MGAT4C: variants seen among roughly 807,000 people sequenced by gnomAD.
MGAT4C encodes MGAT4 family member C.
A neutral mutation model predicts 40.1 loss-of-function variants in MGAT4C; 19 were observed. That is an observed-to-expected ratio of 0.47 (90% confidence interval 0.33 to 0.70). MGAT4C has a LOEUF of 0.70. Among genes scored for constraint, MGAT4C ranks in the 30% least tolerant of loss-of-function variants. MGAT4C has a pLI of 0.02. For synonymous variants in MGAT4C, 181 were observed against 187.1 expected (o/e 0.97, Z 0.27); for missense variants, 491 against 563.2 (o/e 0.87, Z 1.30).
At chr12:86,097,810 C>T (rs1034031398) in intron 1 of MGAT4C, among the ~76,000 whole-genome samples, 10 of 151,524 alleles carry the variant, frequency 6.6e-5, no homozygotes, top group African/African-American at 2.2e-4. Flanking sequence ...GCCCCACGTA[C>T]CTATTAAGTA....
intron 1 of MGAT4C, among the ~76,000 whole-genome samples, chr12:86,095,482 T>C (rs1030161924): frequency 3.3e-5 from 5 of 152,026 alleles, no homozygotes; most frequent in African/African-American, 1.2e-4. Flanking sequence ...TTTGAACATA[T>C]TTCCTTTTAT....
At chr12:86,811,226 C>T (rs1399539324) in intron 1 of MGAT4C, among the ~76,000 whole-genome samples, 3 of 150,724 alleles carry the variant, frequency 2.0e-5, no homozygotes, top group Non-Finnish European at 3.0e-5. Context: ...TTAATAATTT[C>T]ATTTTTAAAT....
chr12:86,729,101 A>G (rs1449613030), intron 1 of MGAT4C, among the ~76,000 whole-genome samples: 1 of 152,210 alleles, frequency 6.6e-6, no homozygotes, highest in African/African-American at 2.4e-5. Flanking sequence ...TGGTAAGGAG[A>G]ATTGATGTTC....
At chr12:86,781,011 ATTGTGTGTGT>A (rs1565985846) in intron 1 of MGAT4C, among the ~76,000 whole-genome samples, 1 of 149,274 alleles carries the variant, frequency 6.7e-6, no homozygotes, top group Admixed American at 6.6e-5. Context: ...ATGGCTGAGT[ATTGTGTGTGT>A]GTGTGTGTGT....
At chr12:86,087,988 T>C (rs762017902) in intron 1 of MGAT4C, among the ~76,000 whole-genome samples, 1 of 151,878 alleles carries the variant, frequency 6.6e-6, no homozygotes, top group African/African-American at 2.4e-5. Flanking sequence ...AACTGTATTA[T>C]AAGCGTACAG....
rs80299128 is a variant in MGAT4C at position 86,125,564 on chromosome 12, A to G, written c.-56-75841T>C. 0.023 allele frequency among the ~76,000 whole-genome samples: 3,522 copies of G among 152,280 alleles called. 269 individuals carry two copies. The East Asian group carries it at 0.28, about 12-fold the overall frequency. ...AAAATAAACAACAAATAAGAATGGC[A>G]AACAGTAAAACTACTAGACATATGA... On this transcript the variant is annotated intron_variant, in intron 1 of 4. Transcript: ENST00000611864.
chr12:86,605,997 T>A (rs963705898), intron 2 of MGAT4C, among the ~76,000 whole-genome samples: 13 of 152,118 alleles, frequency 8.5e-5, no homozygotes, highest in Admixed American at 3.3e-4. Flanking sequence ...CTTACCATTA[T>A]GTCAGAAGGC....
intron 1 of MGAT4C, among the ~76,000 whole-genome samples, chr12:86,087,422 T>C (rs1408811798): frequency 2.6e-5 from 4 of 152,148 alleles, no homozygotes; most frequent in Admixed American, 2.0e-4. Flanking sequence ...TTAACTTATT[T>C]TACAATTCCA....
At chr12:86,257,625 C>CAT (rs1952559871), upstream of MGAT4C, among the ~76,000 whole-genome samples, 1 of 152,188 alleles carries the variant, frequency 6.6e-6, no homozygotes, top group Admixed American at 6.5e-5. Flanking sequence ...TGTTACATTC[C>CAT]CTCTGCATTT....
chr12:86,604,769 A>G (rs896792059), intron 2 of MGAT4C, among the ~76,000 whole-genome samples: 6 of 152,184 alleles, frequency 3.9e-5, no homozygotes, highest in Non-Finnish European at 8.8e-5. Context: ...CTGAAGAACA[A>G]AAGAAACACA....
At chr12:86,496,115 C>A (rs1958230024) in intron 2 of MGAT4C, among the ~76,000 whole-genome samples, 1 of 151,962 alleles carries the variant, frequency 6.6e-6, no homozygotes, top group Non-Finnish European at 1.5e-5. Context: ...TCTTTCTATG[C>A]TGTCAGCAGC....
intron 1 of MGAT4C, among the ~76,000 whole-genome samples, chr12:86,750,704 C>T (rs1951220650): frequency 1.3e-5 from 2 of 151,846 alleles, no homozygotes; most frequent in Admixed American, 1.3e-4. Flanking sequence ...GTAACTTGAC[C>T]TCAATTCTCT....
intron 2 of MGAT4C, among the ~76,000 whole-genome samples, chr12:86,670,619 G>T (rs1964231238): frequency 6.6e-6 from 1 of 152,112 alleles, no homozygotes; most frequent in South Asian, 2.1e-4. Flanking sequence ...GCATTCATGA[G>T]AGAGAACCTA....
At chr12:86,783,631 A>G (rs1364067408) in intron 1 of MGAT4C, among the ~76,000 whole-genome samples, 1 of 152,142 alleles carries the variant, frequency 6.6e-6, no homozygotes, top group Non-Finnish European at 1.5e-5. Context: ...TGAAGACTAA[A>G]TGCACTTTCT....
At chr12:86,263,609 T>C (rs887926648) in intron 4 of MGAT4C, among the ~76,000 whole-genome samples, 1 of 152,226 alleles carries the variant, frequency 6.6e-6, no homozygotes, top group African/African-American at 2.4e-5. Context: ...ATGTCTTTGC[T>C]ACTATAAATA....
chr12:86,294,233 T>C (rs1413811538), intron 4 of MGAT4C, among the ~76,000 whole-genome samples: 1 of 152,118 alleles, frequency 6.6e-6, no homozygotes, highest in Non-Finnish European at 1.5e-5. Context: ...GCAGTGGACA[T>C]GTTTGGGGGC....
At chr12:86,819,683 A>C (rs577543883) in intron 1 of MGAT4C, among the ~76,000 whole-genome samples, 1 of 151,050 alleles carries the variant, frequency 6.6e-6, no homozygotes, top group Admixed American at 6.6e-5. Flanking sequence ...CAATACCTAT[A>C]TGTATTTTAA....
intron 1 of MGAT4C, among the ~76,000 whole-genome samples, chr12:86,209,761 A>AGAAG (rs1164816387): frequency 6.6e-6 from 1 of 152,282 alleles, no homozygotes; most frequent in Non-Finnish European, 1.5e-5. Context: ...ACAAATGAAA[A>AGAAG]GAAGGTAATT....
At chr12:85,999,836 C>G (rs1887099633) in intron 2 of MGAT4C, among the ~76,000 whole-genome samples, 3 of 151,936 alleles carry the variant, frequency 2.0e-5, no homozygotes, top group African/African-American at 7.3e-5. Flanking sequence ...CTCGTAAAAG[C>G]AGAGAGTAGA....
Sources: allele counts gnomAD v4.1 joint callset (sites outside exome capture counted in the v4.1 genomes callset), GRCh38; gene constraint gnomAD v4.1.1; transcripts MANE v1.5; gene names NCBI Gene and HGNC (gene_info 2026-07-23, HGNC 2026-07-21).